ADAMTSL1: variants seen among roughly 807,000 people sequenced by gnomAD.
The protein encoded by ADAMTSL1 is ADAMTS like 1.
A neutral mutation model predicts 201.8 loss-of-function variants in ADAMTSL1; 126 were observed. The observed-to-expected ratio is 0.62, with a 90% CI of 0.54 to 0.72. The LOEUF (loss-of-function observed/expected upper bound fraction) is 0.72. Ranked by LOEUF, ADAMTSL1 falls within the 30% of genes least tolerant of loss-of-function variation. The pLI is 0.00. For missense variants in ADAMTSL1, 2,679 were observed against 2,277.8 expected (o/e 1.18, Z -3.59); for synonymous variants, 1,121 against 903.4 (o/e 1.24, Z -4.32).
intron 1 of ADAMTSL1, among the ~76,000 whole-genome samples, chr9:18,492,867 C>T (rs936488081): frequency 6.6e-6 from 1 of 152,172 alleles, no homozygotes; most frequent in African/African-American, 2.4e-5. Context: ...ATAACAAAAA[C>T]ACCACAGTGG....
chr9:18,077,311 A>G (rs1332570680), intron 1 of ADAMTSL1, among the ~76,000 whole-genome samples: 3 of 152,324 alleles, frequency 2.0e-5, no homozygotes, highest in African/African-American at 7.2e-5. Context: ...AGGGCAGAGA[A>G]CAAAGATGCA....
intron 20 of ADAMTSL1, among the ~76,000 whole-genome samples, chr9:18,810,733 C>A (rs1056278180): frequency 2.0e-5 from 3 of 152,058 alleles, no homozygotes; most frequent in Admixed American, 6.5e-5. Context: ...ATTTTATTCC[C>A]AGCTGATAAA....
At chr9:18,310,309 T>C (rs2132784427) in intron 2 of ADAMTSL1, among the ~76,000 whole-genome samples, 1 of 116,542 alleles carries the variant, frequency 8.6e-6, no homozygotes, top group South Asian at 2.8e-4. Flanking sequence ...ACCAAAGTAA[T>C]GGCAACAAAA....
chr9:18,410,744 G>A (rs1011883051), intron 2 of ADAMTSL1, among the ~76,000 whole-genome samples: 4 of 152,096 alleles, frequency 2.6e-5, no homozygotes, highest in Admixed American at 2.6e-4. Flanking sequence ...CCCAGTAATG[G>A]GATTGCTGGG....
intron 13 of ADAMTSL1, among the ~76,000 whole-genome samples, chr9:18,688,068 C>G (rs1830946673): frequency 6.6e-6 from 1 of 150,876 alleles, no homozygotes; most frequent in Non-Finnish European, 1.5e-5. Context: ...ACATCTGATT[C>G]ATGTGGTAGA....
intron 23 of ADAMTSL1, among the ~76,000 whole-genome samples, chr9:18,871,368 C>G (rs1023978588): frequency 1.3e-5 from 2 of 152,088 alleles, no homozygotes; most frequent in African/African-American, 4.8e-5. Context: ...TTTTCCTCTT[C>G]TCTCTCAAAT....
chr9:18,526,845 G>A (rs551328051), intron 2 of ADAMTSL1, among the ~76,000 whole-genome samples: 37 of 152,232 alleles, frequency 2.4e-4, no homozygotes, highest in African/African-American at 5.5e-4. Context: ...TTGCAAATCC[G>A]CTTATCTTGT....
At chr9:17,924,702 C>T (rs199823288) in intron 1 of ADAMTSL1, among the ~76,000 whole-genome samples, 1 of 148,442 alleles carries the variant, frequency 6.7e-6, no homozygotes, top group African/African-American at 2.5e-5. Context: ...CAAAAATCAA[C>T]TCAAGATGGA....
chr9:18,018,955 T>C (rs1325287580), intron 1 of ADAMTSL1, among the ~76,000 whole-genome samples: 1 of 151,982 alleles, frequency 6.6e-6, no homozygotes, highest in Non-Finnish European at 1.5e-5. Context: ...AAACTAGAAA[T>C]GCTGTAGTAC....
intron 2 of ADAMTSL1, among the ~76,000 whole-genome samples, chr9:18,261,607 C>T: frequency 6.6e-6 from 1 of 152,154 alleles, no homozygotes; most frequent in Non-Finnish European, 1.5e-5. Flanking sequence ...AATATTCCAA[C>T]CTTTGACAGT....
At position 18,343,435 on chromosome 9, in the gene ADAMTSL1, C is replaced by T. The variant is rs141414034; in HGVS notation, c.208-161394C>T. On this transcript the variant is annotated intron_variant, in intron 2 of 29. Coordinates refer to the ADAMTSL1 transcript ENST00000680146. ...CACCAGTGATCAATGAAGTGAGTAT[C>T]AGTTACAAGCACAAGTCCAGCAGGA... Among the ~76,000 whole-genome samples, 7 of 152,140 alleles carry T rather than the reference C, an allele frequency of 4.6e-5. No homozygotes were observed. The East Asian group carries it at 1.2e-3, about 25-fold the overall frequency.
At chr9:17,936,551 C>A (rs72695949) in intron 1 of ADAMTSL1, among the ~76,000 whole-genome samples, 6,383 of 152,222 alleles carry the variant, frequency 0.042, 208 homozygotes, top group Non-Finnish European at 0.057. Context: ...TCCTTTCCAG[C>A]TCTAACAATC....
chr9:18,689,780 G>T (rs1313913964), intron 13 of ADAMTSL1, among the ~76,000 whole-genome samples: 1 of 152,232 alleles, frequency 6.6e-6, no homozygotes, highest in Non-Finnish European at 1.5e-5. Context: ...TAAATAGCTG[G>T]CATTCGCCAG....
chr9:18,881,306 T>G (rs1167802723), intron 23 of ADAMTSL1, among the ~76,000 whole-genome samples: 1 of 152,258 alleles, frequency 6.6e-6, no homozygotes, highest in Non-Finnish European at 1.5e-5. Flanking sequence ...CCACTAAGCT[T>G]AATCATTTCT....
intron 2 of ADAMTSL1, among the ~76,000 whole-genome samples, chr9:18,263,406 C>T (rs939292302): frequency 6.6e-6 from 1 of 152,172 alleles, no homozygotes; most frequent in Non-Finnish European, 1.5e-5. Context: ...AATTCCCTGG[C>T]TCCTGTTGCT....
intron 8 of ADAMTSL1, among the ~76,000 whole-genome samples, chr9:18,661,317 G>A (rs998302098): frequency 1.8e-4 from 28 of 152,180 alleles, no homozygotes; most frequent in Non-Finnish European, 1.2e-4. Flanking sequence ...AACAGTAACA[G>A]GGAGGTGTTT....
At chr9:18,741,738 A>G (rs1216547892) in intron 15 of ADAMTSL1, among the ~76,000 whole-genome samples, 2 of 152,176 alleles carry the variant, frequency 1.3e-5, no homozygotes, top group Non-Finnish European at 2.9e-5. Context: ...TCTGCCAGCA[A>G]TCTTTAGCAT....
chr9:18,536,674 C>G (rs1044825666), intron 3 of ADAMTSL1, among the ~76,000 whole-genome samples: 1 of 152,256 alleles, frequency 6.6e-6, no homozygotes, highest in African/African-American at 2.4e-5. Context: ...CTGCTCTATT[C>G]TAAGGAAGCA....
chr9:18,107,840 G>C (rs73420882), intron 1 of ADAMTSL1, among the ~76,000 whole-genome samples: 5,135 of 152,156 alleles, frequency 0.034, 279 homozygotes, highest in African/African-American at 0.11. Flanking sequence ...GTTACGCCAG[G>C]AAGTGTTAAA....
Sources: allele counts gnomAD v4.1 joint callset (sites outside exome capture counted in the v4.1 genomes callset), GRCh38; gene constraint gnomAD v4.1.1; transcripts MANE v1.5; gene names NCBI Gene and HGNC (gene_info 2026-07-23, HGNC 2026-07-21).